Variants in GNAT3 observed in about 807,000 individuals in gnomAD.
GNAT3 encodes G protein subunit alpha transducin 3, also known as guanine nucleotide-binding protein G(t) subunit alpha-3.
GNAT3 carries 31 observed loss-of-function variants against 37.7 expected under a neutral mutation model. The observed-to-expected ratio is 0.82, with a 90% confidence interval of 0.62 to 1.11. The LOEUF is 1.11. Ranked by LOEUF, GNAT3 falls within the 50% of genes most tolerant of loss-of-function variation. The probability of loss-of-function intolerance (pLI) is 0.00; values close to 1 mark genes in which losing one functional copy is unlikely to be tolerated. For synonymous variants in GNAT3, 138 were observed against 139.8 expected, an observed-to-expected ratio of 0.99 and a Z score of 0.09; for missense variants, 437 against 412.5, an observed-to-expected ratio of 1.06 and a Z score of -0.51.
chr7:80,472,132 A>T (rs1052187629), intron 5 of GNAT3, among the ~76,000 whole-genome samples: 3 of 151,920 alleles, frequency 2.0e-5, no homozygotes, highest in Admixed American at 6.6e-5. Flanking sequence ...TATATTGATA[A>T]TTTTTTTTAA....
chr7:80,490,788 G>C (rs1790576539), intron 2 of GNAT3, among the ~76,000 whole-genome samples: 1 of 152,114 alleles, frequency 6.6e-6, no homozygotes, highest in Non-Finnish European at 1.5e-5. Flanking sequence ...AACTTATTCA[G>C]TTAGTTTGTG....
intron 1 of GNAT3, among the ~76,000 whole-genome samples, chr7:80,509,750 T>A (rs1325279412): frequency 6.6e-6 from 1 of 152,202 alleles, no homozygotes; most frequent in African/African-American, 2.4e-5. Context: ...ATCTTTCTTT[T>A]GTCCATCATT....
At chr7:80,493,238 A>G (rs995314859) in intron 2 of GNAT3, among the ~76,000 whole-genome samples, 9 of 152,092 alleles carry the variant, frequency 5.9e-5, no homozygotes, top group Non-Finnish European at 1.0e-4. Flanking sequence ...AGCCTGGGAG[A>G]CAAGAGCAGG....
intron 2 of GNAT3, among the ~76,000 whole-genome samples, chr7:80,491,140 T>A (rs1790583976): frequency 6.6e-6 from 1 of 152,208 alleles, no homozygotes; most frequent in Admixed American, 6.5e-5. Context: ...TGAATTAATC[T>A]AGGTCAGAAA....
intron 7 of GNAT3, among the ~76,000 whole-genome samples, chr7:80,461,475 C>T (rs1043515867): frequency 4.6e-5 from 7 of 151,968 alleles, no homozygotes; most frequent in Admixed American, 1.3e-4. Context: ...TTTGAACCCA[C>T]GAGGCAAAGG....
At position 80,474,348 on chromosome 7, in the gene GNAT3, A is replaced by G; in HGVS notation, c.493T>C (p.Ser165Pro). 6.4e-7 allele frequency: 1 copy of G among 1,554,848 alleles called. No individual in the cohort carries two copies. The highest frequency in any genetic ancestry group is 8.7e-7 in the Non-Finnish European group (1 of 1,146,284). ...YLNDLDRITA[S>P]GYVPNEQDVL... Reference sequence around the variant, plus strand: ...TCTTGTTCATTTGGCACATACCCAGATGCTGTTATTCTATCTAAATCATTA... The same window carrying G: ...TCTTGTTCATTTGGCACATACCCAGGTGCTGTTATTCTATCTAAATCATTA... Residue 165 changes from serine (S) to proline (P), a missense_variant, in exon 5 of 8, where the codon TCT becomes CCT. Ser to Pro is a moderately conservative substitution (Grantham distance 74, BLOSUM62 -1). Transcript: ENST00000398291.
chr7:80,462,667 A>T (rs747613602), intron 5 of GNAT3, 36 bp from the exon 6 acceptor site: 2 of 1,566,126 alleles, frequency 1.3e-6, no homozygotes, highest in South Asian at 1.2e-5. Context: ...TAAATCTTGC[A>T]AATATCCTCC....
At chr7:80,491,151 T>C (rs1224313337) in intron 2 of GNAT3, among the ~76,000 whole-genome samples, 3 of 152,138 alleles carry the variant, frequency 2.0e-5, no homozygotes, top group Admixed American at 6.6e-5. Flanking sequence ...AGGTCAGAAA[T>C]GATGACCAAT....
At chr7:80,472,578 TA>T in intron 5 of GNAT3, among the ~76,000 whole-genome samples, 1 of 152,252 alleles carries the variant, frequency 6.6e-6, no homozygotes, top group East Asian at 1.9e-4. Context: ...ATAAACAAGA[TA>T]ATTTTTGAGA....
chr7:80,505,690 TAAAA>T (rs1790925450), intron 1 of GNAT3, among the ~76,000 whole-genome samples: 1 of 152,172 alleles, frequency 6.6e-6, no homozygotes, highest in African/African-American at 2.4e-5. Context: ...TAGATATCTT[TAAAA>T]AACAATTTTA....
rs1789997181 is a variant in GNAT3, at chr7:80,458,771, T to A, written c.965A>T (p.His322Leu). ...LKKEDKEIYS[H>L]MTCATDTQNV... ...TTGGGTGTCAGTAGCACAGGTCATG[T>A]GGGAATAAATTTCCTTATCTTCTTT... The change falls in exon 8 of 8, where the codon CAC (histidine) becomes CTC (leucine). Residue 322 changes from histidine to leucine, a missense_variant. Transcript: ENST00000398291. The A allele has an allele frequency of 6.3e-7, 1 of 1,598,562 alleles. No individual in the cohort carries two copies.
chr7:80,502,609 G>A (rs1217809570), intron 1 of GNAT3, among the ~76,000 whole-genome samples: 1 of 151,884 alleles, frequency 6.6e-6, no homozygotes, highest in East Asian at 1.9e-4. Flanking sequence ...AAGGAAAATG[G>A]AGGATTGAAT....
chr7:80,497,599 T>TATACAC (rs1562732863), intron 1 of GNAT3, among the ~76,000 whole-genome samples: 2 of 119,910 alleles, frequency 1.7e-5, no homozygotes, highest in African/African-American at 9.1e-5. Flanking sequence ...TATACGTATA[T>TATACAC]ACATATACGT....
At chr7:80,490,876 A>C (rs1261805912) in intron 2 of GNAT3, among the ~76,000 whole-genome samples, 3 of 152,156 alleles carry the variant, frequency 2.0e-5, no homozygotes, top group Non-Finnish European at 1.5e-5. Flanking sequence ...ATAGTGTGTT[A>C]GTCTACAGAC....
chr7:80,502,361 T>A (rs1175715280), intron 1 of GNAT3, among the ~76,000 whole-genome samples: 5 of 152,118 alleles, frequency 3.3e-5, no homozygotes, highest in Non-Finnish European at 5.9e-5. Context: ...ATTTCATTTT[T>A]CTTTTCTTAT....
chr7:80,476,815 A>G (rs967013916), intron 4 of GNAT3, among the ~76,000 whole-genome samples: 1 of 151,788 alleles, frequency 6.6e-6, no homozygotes, highest in African/African-American at 2.4e-5. Flanking sequence ...CCATTCAACT[A>G]CCTTTCTCAG....
chr7:80,467,587 G>T (rs1790146534), intron 5 of GNAT3, among the ~76,000 whole-genome samples: 1 of 151,870 alleles, frequency 6.6e-6, no homozygotes, highest in Non-Finnish European at 1.5e-5. Flanking sequence ...CTTATTTTAT[G>T]GAATTGTAAA....
chr7:80,477,501 T>C (rs546867594), intron 4 of GNAT3, among the ~76,000 whole-genome samples: 10 of 152,246 alleles, frequency 6.6e-5, no homozygotes, highest in African/African-American at 2.4e-4. Context: ...GAAAAACTCC[T>C]CCAAAAGCAA....
intron 4 of GNAT3, among the ~76,000 whole-genome samples, chr7:80,475,089 G>A (rs1195883083): frequency 1.3e-5 from 2 of 151,938 alleles, no homozygotes; most frequent in African/African-American, 4.8e-5. Flanking sequence ...CTCTCCTGGG[G>A]ACAGAAGGGT....
Sources: allele counts gnomAD v4.1 joint callset (sites outside exome capture counted in the v4.1 genomes callset), GRCh38; gene constraint gnomAD v4.1.1; transcripts MANE v1.5; gene names NCBI Gene and HGNC (gene_info 2026-07-23, HGNC 2026-07-21).